RANBP17: variants seen among roughly 807,000 people sequenced by gnomAD.
The protein encoded by RANBP17 is RAN binding protein 17, also known as ran-binding protein 17.
A neutral mutation model predicts 141.2 loss-of-function variants in RANBP17; 158 were observed. That is an observed-to-expected ratio of 1.12 (90% CI 0.98 to 1.28). The LOEUF (loss-of-function observed/expected upper bound fraction) is 1.28. Among genes scored for constraint, RANBP17 ranks in the 50% most tolerant of loss-of-function variants. The probability of loss-of-function intolerance (pLI) is 0.00; values close to 1 mark genes in which losing one functional copy is unlikely to be tolerated. For missense variants in RANBP17, 1,438 were observed against 1,290.7 expected (o/e 1.11, Z -1.75); for synonymous variants, 430 against 450.0 (o/e 0.96, Z 0.56).
intron 14 of RANBP17, among the ~76,000 whole-genome samples, chr5:171,042,717 T>TA (rs1248131823): frequency 1.3e-5 from 2 of 152,172 alleles, no homozygotes; most frequent in Non-Finnish European, 2.9e-5. Context: ...CAAAAACATG[T>TA]AAAACTATAG....
chr5:171,043,325 A>G (rs967678677), intron 14 of RANBP17, among the ~76,000 whole-genome samples: 1 of 152,196 alleles, frequency 6.6e-6, no homozygotes, highest in Non-Finnish European at 1.5e-5. Context: ...GAAATTTTAC[A>G]TAGAAGCAAA....
At chr5:170,878,324 G>T in intron 2 of RANBP17, 81 bp downstream of exon 2, 1 of 1,169,446 alleles carries the variant, frequency 8.6e-7, no homozygotes, top group Non-Finnish European at 1.2e-6. Flanking sequence ...GTTAGCAATG[G>T]TAACTGATAG....
At position 171,171,190 on chromosome 5, in the gene RANBP17, T is replaced by G. The variant is rs1383817740; in HGVS notation, c.1785-16T>G. On this transcript the variant is annotated splice_polypyrimidine_tract_variant and intron_variant, in intron 15 of 27. Coordinates refer to ENST00000523189, the MANE Select transcript of RANBP17 (RefSeq NM_022897.5). Reference sequence around the variant, plus strand: ...AAATATCTTACTTATAATTAAAGACTTTTTTTCATATTTAGTGTTACAAAC... The same window carrying G: ...AAATATCTTACTTATAATTAAAGACGTTTTTTCATATTTAGTGTTACAAAC... The G allele has an allele frequency of 6.9e-7, 1 of 1,449,278 alleles. No homozygotes were observed. The highest frequency in any genetic ancestry group is 9.6e-7 in the Non-Finnish European group (1 of 1,046,614). 89.8% of individuals were successfully genotyped at this position (1,449,278 alleles called of 1,614,324 possible). A position where few individuals can be genotyped will look rare whatever the true frequency, so the allele number is the denominator to read the frequency against.
chr5:171,009,460 G>C (rs1779877338), intron 14 of RANBP17, among the ~76,000 whole-genome samples: 2 of 152,068 alleles, frequency 1.3e-5, no homozygotes, highest in African/African-American at 4.8e-5. Context: ...GGACCCTTGA[G>C]GTAATATACA....
intron 16 of RANBP17, among the ~76,000 whole-genome samples, chr5:171,174,061 T>C (rs1760277587): frequency 6.6e-6 from 1 of 152,178 alleles, no homozygotes; most frequent in Non-Finnish European, 1.5e-5. Context: ...CCAGAATTGC[T>C]GTTTGCCAAA....
At chr5:171,265,977 G>A (rs1766648028) in intron 25 of RANBP17, 130 bp downstream of exon 25, 1 of 677,074 alleles carries the variant, frequency 1.5e-6, no homozygotes, top group African/African-American at 1.8e-5. Flanking sequence ...TATATATATT[G>A]TCTGGGAGTA....
intron 14 of RANBP17, among the ~76,000 whole-genome samples, chr5:171,017,691 C>G (rs1780546919): frequency 6.6e-6 from 1 of 152,098 alleles, no homozygotes; most frequent in Admixed American, 6.5e-5. Context: ...AAATTTTCTC[C>G]CATCTATAGG....
chr5:171,005,545 A>C (rs982914298), intron 14 of RANBP17, among the ~76,000 whole-genome samples: 2 of 152,246 alleles, frequency 1.3e-5, no homozygotes, highest in African/African-American at 4.8e-5. Flanking sequence ...AGCCATATGT[A>C]GAAAGCTGAA....
intron 18 of RANBP17, among the ~76,000 whole-genome samples, chr5:171,189,335 G>A (rs1357477897): frequency 6.6e-6 from 1 of 152,196 alleles, no homozygotes; most frequent in East Asian, 1.9e-4. Context: ...ATGATTAAAA[G>A]CATCAAGTAT....
Position 171,244,299 on chromosome 5 carries a change from A to G in RANBP17, c.2776+1479A>G, listed in dbSNP as rs996242617. On this transcript the variant is annotated intron_variant, in intron 24 of 27. Coordinates refer to ENST00000523189, the MANE Select transcript of RANBP17 (RefSeq NM_022897.5). Reference sequence around the variant, plus strand: ...TCCCAGCTACTCGGGAGGCCAAGGCAGGAGAATCACTGAGGATGCAATAAG... The same window carrying G: ...TCCCAGCTACTCGGGAGGCCAAGGCGGGAGAATCACTGAGGATGCAATAAG... Among the ~76,000 whole-genome samples the G allele has an allele frequency of 7.2e-5, 11 of 152,208 alleles. No individual in the cohort carries two copies. In the East Asian group the frequency reaches 7.8e-4, roughly 11 times the overall value.
At chr5:171,078,927 T>G (rs977875957) in intron 14 of RANBP17, among the ~76,000 whole-genome samples, 1 of 152,234 alleles carries the variant, frequency 6.6e-6, no homozygotes, top group South Asian at 2.1e-4. Context: ...GTTTTGACTT[T>G]CAGGTCTTAT....
At chr5:170,958,852 A>T (rs910871995) in intron 13 of RANBP17, among the ~76,000 whole-genome samples, 2 of 152,208 alleles carry the variant, frequency 1.3e-5, no homozygotes, top group Non-Finnish European at 2.9e-5. Context: ...CTAATTAAAT[A>T]AAGACATTTA....
intron 24 of RANBP17, among the ~76,000 whole-genome samples, chr5:171,258,487 C>T (rs960772543): frequency 2.0e-5 from 3 of 152,102 alleles, no homozygotes; most frequent in African/African-American, 7.2e-5. Context: ...AAATATATTA[C>T]AAGGCTATAG....
At chr5:171,256,516 A>G (rs2128009511) in intron 24 of RANBP17, among the ~76,000 whole-genome samples, 1 of 152,338 alleles carries the variant, frequency 6.6e-6, no homozygotes, top group Admixed American at 6.5e-5. Flanking sequence ...CTAGAAAAGC[A>G]AGGAAAAACC....
At chr5:171,171,080 T>G (rs1173502509) in intron 15 of RANBP17, 126 bp from the exon 16 acceptor site, 1 of 559,368 alleles carries the variant, frequency 1.8e-6, no homozygotes, top group Non-Finnish European at 3.2e-6. Flanking sequence ...TTTTTGAGCC[T>G]GTTTTTCACT....
chr5:171,077,168 T>G (rs1784981010), intron 14 of RANBP17, among the ~76,000 whole-genome samples: 1 of 151,926 alleles, frequency 6.6e-6, no homozygotes, highest in South Asian at 2.1e-4. Context: ...TGAAACCCCG[T>G]CTCTACTAAA....
At chr5:171,113,769 C>T (rs986741427) in intron 14 of RANBP17, among the ~76,000 whole-genome samples, 2 of 152,126 alleles carry the variant, frequency 1.3e-5, no homozygotes, top group South Asian at 2.1e-4. Flanking sequence ...TATTAGAGAT[C>T]CCCAAGACCC....
At chr5:170,914,888 A>G (rs1771821421) in intron 8 of RANBP17, among the ~76,000 whole-genome samples, 1 of 152,124 alleles carries the variant, frequency 6.6e-6, no homozygotes, top group African/African-American at 2.4e-5. Flanking sequence ...AAAGCTGGGG[A>G]GTTCTAATAT....
chr5:171,026,133 G>A (rs1289484592), intron 14 of RANBP17, among the ~76,000 whole-genome samples: 1 of 151,992 alleles, frequency 6.6e-6, no homozygotes, highest in Non-Finnish European at 1.5e-5. Context: ...ATTTCTCTTT[G>A]GGAGGCTTTT....
Sources: allele counts gnomAD v4.1 joint callset (sites outside exome capture counted in the v4.1 genomes callset), GRCh38; gene constraint gnomAD v4.1.1; transcripts MANE v1.5; gene names NCBI Gene and HGNC (gene_info 2026-07-23, HGNC 2026-07-21).